The following CEP250 variants were observed in gnomAD, a reference collection of about 807,000 sequenced individuals.
The protein encoded by CEP250 is centrosome-associated protein CEP250.
In CEP250, 242 loss-of-function variants were observed where a neutral mutation model predicts 315.7. The ratio of observed to expected loss-of-function variants is 0.77; its 90% CI spans 0.69 to 0.85. The LOEUF is 0.85. Among genes scored for constraint, CEP250 ranks in the 40% least tolerant of loss-of-function variants. CEP250 has a pLI of 0.00. For missense variants in CEP250, 2,515 were observed against 2,886.4 expected (o/e 0.87, Z 2.95); for synonymous variants, 1,088 against 1,175.0 (o/e 0.93, Z 1.51).
At chr20:35,495,374 T>C (rs1297460704) in intron 24 of CEP250, among the ~76,000 whole-genome samples, 1 of 152,138 alleles carries the variant, frequency 6.6e-6, no homozygotes, top group Non-Finnish European at 1.5e-5. Context: ...TTATGATGTA[T>C]TTGAAGGGAT....
chr20:35,517,164 A>G lies in CEP250; in HGVS notation c.*5538A>G. ...TCCCTCTGGACCTATTCAGTCCTCA[A>G]GGGTGCCCTGCTAAAGGCTGGGCTG... On this transcript the variant is annotated 3_prime_UTR_variant, in exon 35 of 35. Transcript: ENST00000397527. 1 of 289,246 alleles carries G rather than the reference A, an allele frequency of 3.5e-6. No individual in the cohort carries two copies. Among genetic ancestry groups the G allele is most frequent in the Non-Finnish European group, 5.2e-6 (1 of 193,192 alleles). The allele number at this position is 289,246 out of a possible 1,614,324, so 17.9% of individuals were successfully genotyped here.
rs559880770 is a variant in CEP250, at chr20:35,490,261, G to A, written c.2587-376G>A. On this transcript the variant is annotated intron_variant, in intron 20 of 34. Coordinates refer to ENST00000397527, the MANE Select transcript of CEP250 (RefSeq NM_007186.6). ...CTGAAAGGTGGAGGTTGCAGTGAGC[G>A]GAGATCGTGCCACTGCAGTCCAGCC... Among the ~76,000 whole-genome samples the A allele has an allele frequency of 5.4e-4, 82 of 152,052 alleles. 1 individual carries two copies. Among genetic ancestry groups the A allele is most frequent in the African/African-American group, 1.7e-3 (70 of 41,460 alleles).
chr20:35,471,444 A>G (rs1327477485), intron 10 of CEP250, among the ~76,000 whole-genome samples: 2 of 152,234 alleles, frequency 1.3e-5, no homozygotes, highest in Non-Finnish European at 2.9e-5. Context: ...AAATCTTTCC[A>G]TTTATAAATG....
intron 32 of CEP250, 89 bp downstream of exon 32, chr20:35,508,279 C>CAAATCCAG: frequency 7.5e-7 from 1 of 1,339,130 alleles, no homozygotes; most frequent in South Asian, 1.3e-5. Context: ...GCCTGTGGGC[C>CAAATCCAG]AAATCCAGCC....
intron 26 of CEP250, 135 bp from the exon 27 acceptor site, chr20:35,498,460 A>G: frequency 9.4e-7 from 1 of 1,067,796 alleles, no homozygotes; most frequent in Non-Finnish European, 1.4e-6. Context: ...AAAATATGTG[A>G]TGAGTGAACT....
intron 5 of CEP250, among the ~76,000 whole-genome samples, chr20:35,464,341 C>A (rs1258216131): frequency 1.3e-5 from 2 of 152,134 alleles, no homozygotes; most frequent in Non-Finnish European, 2.9e-5. Context: ...GTCCTACTTA[C>A]TCTGTCGCCC....
intron 33 of CEP250, among the ~76,000 whole-genome samples, chr20:35,509,693 C>G (rs1462200932): frequency 6.6e-6 from 1 of 152,242 alleles, no homozygotes; most frequent in African/African-American, 2.4e-5. Flanking sequence ...CAGCCCAGGG[C>G]TAGCACAAAG....
chr20:35,515,899 C>T lies in CEP250; in HGVS notation c.*4273C>T, dbSNP rs1400880905. 6.6e-6 allele frequency: 1 copy of T among 152,232 alleles called. No individual in the cohort carries two copies. Among genetic ancestry groups the T allele is most frequent in the African/African-American group, 2.4e-5 (1 of 41,458 alleles). 9.4% of individuals were successfully genotyped at this position (152,232 alleles called of 1,614,324 possible). ...ATGGGGTCCTGAGGCCCTTTTACTC[C>T]CTCTACCCTGCTGGAGGTGAGGATG... On this transcript the variant is annotated 3_prime_UTR_variant, in exon 35 of 35. Transcript: ENST00000397527.
In CEP250 at chr20:35,502,549, G is replaced by A. The variant is rs757202585; in HGVS notation, c.4180G>A (p.Glu1394Lys). Residue 1394 changes from glutamate to lysine, a missense_variant, in exon 30 of 35, where the codon GAA (glutamate) becomes AAA (lysine). Glu to Lys is a moderately conservative substitution (Grantham distance 56). Coordinates refer to ENST00000397527, the MANE Select transcript of CEP250 (RefSeq NM_007186.6). ...ARSALKLKNEEVESERERAQA... is the reference protein window; with the variant it reads ...ARSALKLKNEKVESERERAQA... Reference sequence around the variant, plus strand: ...CTCAGCACTGAAGCTGAAAAATGAGGAAGTAGAGAGTGAGCGTGAGAGAGC... The same window carrying A: ...CTCAGCACTGAAGCTGAAAAATGAGAAAGTAGAGAGTGAGCGTGAGAGAGC... 4 of 1,614,094 alleles carry A rather than the reference G, an allele frequency of 2.5e-6. No homozygotes were observed. The highest frequency in any genetic ancestry group is 3.4e-6 in the Non-Finnish European group (4 of 1,180,048).
In CEP250 at chr20:35,467,088, A is replaced by G. The variant is rs774073842; in HGVS notation, c.599+16A>G. The G allele has an allele frequency of 2.6e-5, 39 of 1,526,528 alleles. No individual in the cohort carries two copies. The highest frequency in any genetic ancestry group is 3.2e-5 in the Non-Finnish European group (36 of 1,120,010). The allele number at this position is 1,526,528 out of a possible 1,614,324, so 94.6% of individuals were successfully genotyped here. ...CTACTGACAGGTCAGTGTGGGGAGA[A>G]GAAGGGAGGAGGTTTGCCCCTACCA... On this transcript the variant is annotated intron_variant, in intron 8 of 34. Coordinates refer to ENST00000397527, the MANE Select transcript of CEP250 (RefSeq NM_007186.6).
chr20:35,468,744 C>T (rs2062952813), intron 9 of CEP250, among the ~76,000 whole-genome samples: 1 of 152,198 alleles, frequency 6.6e-6, no homozygotes, highest in African/African-American at 2.4e-5. Context: ...AGTGTAAACA[C>T]AGCTCACCGC....
chr20:35,471,244 A>G (rs746217904), intron 10 of CEP250, among the ~76,000 whole-genome samples: 2 of 152,054 alleles, frequency 1.3e-5, no homozygotes, highest in Non-Finnish European at 1.5e-5. Context: ...ACTGCAGGGG[A>G]CACTTGAGCT....
chr20:35,477,994 C>G lies in CEP250; in HGVS notation c.1987C>G (p.His663Asp). 6.2e-7 allele frequency: 1 copy of G among 1,613,942 alleles called. No homozygotes were observed. The highest frequency in any genetic ancestry group is 2.2e-5 in the East Asian group (1 of 44,872). The change falls in exon 17 of 35, where the codon CAC becomes GAC. Residue 663 changes from histidine to aspartate, a missense_variant. Physicochemically the swap from His to Asp is moderately conservative, Grantham distance 81 (BLOSUM62 -1). Coordinates refer to ENST00000397527, the MANE Select transcript of CEP250 (RefSeq NM_007186.6). ...RREALWEKNT[H>D]LEAQLQKAEE... ...GGAAGCCCTGTGGGAAAAGAACACT[C>G]ACCTGGAGGCTCAGCTGCAGAAAGC...
Position 35,497,992 on chromosome 20 carries a change from G to A in CEP250, c.3580G>A (p.Gly1194Arg), listed in dbSNP as rs762084247. ...CTACTCTGCCCTGCAGCAGGCCCTG[G>A]GGTCTGTTTGTGAGAGCAGGCCTGA... ...SLYSALQQAL[G>R]SVCESRPELS... The change falls in exon 26 of 35, where the codon GGG (glycine) becomes AGG (arginine). Residue 1194 changes from glycine (G) to arginine (R), a missense_variant. Coordinates refer to ENST00000397527, the MANE Select transcript of CEP250 (RefSeq NM_007186.6). 3.1e-6 allele frequency: 5 copies of A among 1,613,258 alleles called. No individual in the cohort carries two copies. In the South Asian group the frequency reaches 5.5e-5, roughly 18 times the overall value.
At chr20:35,501,772 C>T in intron 28 of CEP250, 73 bp from the exon 29 acceptor site, 1 of 1,476,684 alleles carries the variant, frequency 6.8e-7, no homozygotes, top group South Asian at 1.3e-5. Flanking sequence ...CTCCATCTGC[C>T]TCTATATCCC....
chr20:35,456,291 G>C (rs1168898684), intron 1 of CEP250, among the ~76,000 whole-genome samples: 1 of 152,238 alleles, frequency 6.6e-6, no homozygotes, highest in Non-Finnish European at 1.5e-5. Context: ...CATAGAAAAA[G>C]TAATTTGCCA....
intron 16 of CEP250, 64 bp from the exon 17 acceptor site, chr20:35,477,806 CA>C: frequency 7.8e-7 from 1 of 1,279,924 alleles, no homozygotes; most frequent in Non-Finnish European, 1.1e-6. Context: ...TCAGTCTTAG[CA>C]TTTGATTCCT....
intron 22 of CEP250, 87 bp downstream of exon 22, chr20:35,491,433 G>GC: frequency 7.1e-7 from 1 of 1,413,176 alleles, no homozygotes; most frequent in Non-Finnish European, 9.7e-7. Context: ...CTTCTTATGT[G>GC]CCAGGCCCTG....
At chr20:35,491,106 C>A in intron 21 of CEP250, 106 bp from the exon 22 acceptor site, 1 of 1,387,354 alleles carries the variant, frequency 7.2e-7, no homozygotes, top group Non-Finnish European at 9.8e-7. Flanking sequence ...TCAGCCCCTT[C>A]CCATTTGCTA....
Sources: allele counts gnomAD v4.1 joint callset (sites outside exome capture counted in the v4.1 genomes callset), GRCh38; gene constraint gnomAD v4.1.1; transcripts MANE v1.5; gene names NCBI Gene and HGNC (gene_info 2026-07-23, HGNC 2026-07-21).